Variants in GRID2 observed in about 807,000 individuals in gnomAD.
The protein encoded by GRID2 is glutamate ionotropic receptor delta type subunit 2, also known as glutamate receptor ionotropic, delta-2.
GRID2 carries 33 observed loss-of-function variants against 114.8 expected under a neutral mutation model. That is an observed-to-expected ratio of 0.29 (90% confidence interval 0.22 to 0.38). The LOEUF is 0.38. Ranked by LOEUF, GRID2 falls within the 10% of genes least tolerant of loss-of-function variation. The pLI, the probability that GRID2 is intolerant of heterozygous loss-of-function variation, is 1.00. For missense variants in GRID2, 1,184 were observed against 1,257.7 expected, an observed-to-expected ratio of 0.94 and a Z score of 0.89; for synonymous variants, 505 against 449.9, an observed-to-expected ratio of 1.12 and a Z score of -1.55.
Position 93,085,036 on chromosome 4 carries a change from T to G in GRID2, c.286T>G (p.Ser96Ala), listed in dbSNP as rs751436658. Residue 96 changes from serine to alanine, a missense_variant, in exon 3 of 16, where the codon TCC becomes GCC. Ser to Ala is a moderately conservative substitution (Grantham distance 99). Coordinates refer to ENST00000282020, the MANE Select transcript of GRID2 (RefSeq NM_001510.4). ...TCAAGGCATCTTGGCCCTGGTCAGC[T>G]CCATTGGCTGCACGTCAGCAGGATC... Reference protein sequence around the residue: ...MNQGILALVSSIGCTSAGSLQ... With the variant: ...MNQGILALVSAIGCTSAGSLQ... 4 of 1,614,118 alleles carry G rather than the reference T, an allele frequency of 2.5e-6. No individual in the cohort carries two copies. The East Asian group carries it at 8.9e-5, about 36-fold the overall frequency.
At chr4:92,972,912 C>A (rs1316507250) in intron 2 of GRID2, among the ~76,000 whole-genome samples, 1 of 152,058 alleles carries the variant, frequency 6.6e-6, no homozygotes, top group Non-Finnish European at 1.5e-5. Context: ...CCAGCTCTAT[C>A]TATGTCCCTG....
rs535733600 is a variant in GRID2, at chr4:92,952,385, G to C, written c.245-132610G>C. ...TTCATTGAGGATAATAGATCTCTAT[G>C]AGATTGCTTTATTCTGCTTTCTTAA... is the stretch of plus-strand genomic sequence containing the variant. On this transcript the variant is annotated intron_variant, in intron 2 of 15. Coordinates refer to ENST00000282020, the MANE Select transcript of GRID2 (RefSeq NM_001510.4). 2.0e-5 allele frequency among the ~76,000 whole-genome samples: 3 copies of C among 152,242 alleles called. No homozygotes were observed. The South Asian group carries it at 6.2e-4, about 32-fold the overall frequency.
intron 2 of GRID2, among the ~76,000 whole-genome samples, chr4:92,640,043 C>T (rs1731268106): frequency 6.6e-6 from 1 of 151,688 alleles, no homozygotes; most frequent in Non-Finnish European, 1.5e-5. Flanking sequence ...GAGTACCTGG[C>T]AATGGCATAT....
At chr4:92,709,604 A>C (rs888301386) in intron 2 of GRID2, among the ~76,000 whole-genome samples, 1 of 146,960 alleles carries the variant, frequency 6.8e-6, no homozygotes, top group Non-Finnish European at 1.5e-5. Context: ...ATATATATAT[A>C]TATATGTAAT....
chr4:92,939,485 A>T (rs999981054), intron 2 of GRID2, among the ~76,000 whole-genome samples: 1 of 146,882 alleles, frequency 6.8e-6, no homozygotes, highest in Non-Finnish European at 1.5e-5. Flanking sequence ...AGATGAGTAG[A>T]TTGCAAAAAT....
intron 14 of GRID2, among the ~76,000 whole-genome samples, chr4:93,738,036 T>C (rs148283250): frequency 2.0e-5 from 3 of 152,258 alleles, no homozygotes; most frequent in Non-Finnish European, 2.9e-5. Context: ...GATTGGAATA[T>C]GTTAATTCCA....
intron 13 of GRID2, among the ~76,000 whole-genome samples, chr4:93,553,973 C>T (rs1446887942): frequency 2.0e-5 from 3 of 152,138 alleles, no homozygotes; most frequent in Non-Finnish European, 4.4e-5. Flanking sequence ...GGAGCCCATA[C>T]TAATTAATAC....
chr4:92,313,783 A>G (rs1440365312), intron 1 of GRID2, among the ~76,000 whole-genome samples: 3 of 152,124 alleles, frequency 2.0e-5, no homozygotes, highest in Non-Finnish European at 2.9e-5. Context: ...TTGAGGACAA[A>G]GATGACTTTA....
intron 2 of GRID2, among the ~76,000 whole-genome samples, chr4:92,957,473 G>C (rs1752494112): frequency 1.3e-5 from 2 of 151,734 alleles, no homozygotes; most frequent in Admixed American, 1.3e-4. Context: ...ACTTATGTAG[G>C]TCTCTTTCTG....
intron 1 of GRID2, among the ~76,000 whole-genome samples, chr4:93,786,369 T>G (rs1051258351): frequency 9.2e-5 from 14 of 152,110 alleles, no homozygotes; most frequent in Non-Finnish European, 1.9e-4. Flanking sequence ...AGGAGGGTGT[T>G]TGTTTGTTTC....
intron 15 of GRID2, among the ~76,000 whole-genome samples, chr4:93,771,341 T>A (rs1734090860): frequency 6.6e-6 from 1 of 152,190 alleles, no homozygotes; most frequent in Non-Finnish European, 1.5e-5. Flanking sequence ...AAAACGTCTT[T>A]GGTTTTGAGG....
At chr4:93,312,668 C>T (rs1275719532) in intron 8 of GRID2, among the ~76,000 whole-genome samples, 1 of 152,132 alleles carries the variant, frequency 6.6e-6, no homozygotes, top group African/African-American at 2.4e-5. Context: ...CCCCAAACCC[C>T]TTAAACGGAA....
intron 1 of GRID2, among the ~76,000 whole-genome samples, chr4:92,465,135 C>T (rs1340564676): frequency 6.6e-6 from 1 of 151,958 alleles, no homozygotes; most frequent in Non-Finnish European, 1.5e-5. Flanking sequence ...ATAAATTACT[C>T]AGTTTCAGGT....
At chr4:93,698,248 T>G (rs1727217192) in intron 14 of GRID2, among the ~76,000 whole-genome samples, 1 of 152,046 alleles carries the variant, frequency 6.6e-6, no homozygotes. Context: ...ATACTTATAC[T>G]GACAACCTAT....
chr4:92,625,994 T>C (rs924702022), intron 2 of GRID2, among the ~76,000 whole-genome samples: 3 of 152,014 alleles, frequency 2.0e-5, no homozygotes, highest in Non-Finnish European at 4.4e-5. Context: ...GAGATCTGAT[T>C]TTTGGCATCA....
intron 8 of GRID2, among the ~76,000 whole-genome samples, chr4:93,246,386 G>A (rs1166168794): frequency 6.6e-6 from 1 of 152,034 alleles, no homozygotes; most frequent in Non-Finnish European, 1.5e-5. Flanking sequence ...AGGAGATCGA[G>A]ATCATCCTGG....
At chr4:93,678,977 A>C (rs1202596846) in intron 14 of GRID2, among the ~76,000 whole-genome samples, 1 of 151,180 alleles carries the variant, frequency 6.6e-6, no homozygotes, top group Non-Finnish European at 1.5e-5. Context: ...AAAGACACAG[A>C]CTGGCAAATT....
intron 14 of GRID2, among the ~76,000 whole-genome samples, chr4:93,638,007 T>C (rs543246803): frequency 1.4e-4 from 21 of 152,054 alleles, no homozygotes; most frequent in Non-Finnish European, 2.5e-4. Flanking sequence ...GATAAAAATA[T>C]AAGAATTTTT....
At chr4:93,625,811 A>G (rs1300309597) in intron 13 of GRID2, among the ~76,000 whole-genome samples, 2 of 152,098 alleles carry the variant, frequency 1.3e-5, no homozygotes, top group African/African-American at 4.8e-5. Flanking sequence ...GCTACTCGGG[A>G]GGTTGAGGCA....
Sources: allele counts gnomAD v4.1 joint callset (sites outside exome capture counted in the v4.1 genomes callset), GRCh38; gene constraint gnomAD v4.1.1; transcripts MANE v1.5; gene names NCBI Gene and HGNC (gene_info 2026-07-23, HGNC 2026-07-21).